Variants in TARBP1 observed in about 807,000 individuals in gnomAD.
TARBP1 encodes tRNA guanosine 2 -O-methyltransferase TARBP1, also known as tRNA (guanosine(18)-2'-O)-methyltransferase TARBP1.
In TARBP1, 144 loss-of-function variants were observed where a neutral mutation model predicts 178.6. The observed-to-expected ratio is 0.81, with a 90% confidence interval of 0.70 to 0.93. TARBP1 has a LOEUF of 0.93. TARBP1 is among the 40% of genes least tolerant of loss of function. The pLI, the probability that TARBP1 is intolerant of heterozygous loss-of-function variation, is 0.00. For missense variants in TARBP1, 2,067 were observed against 2,011.7 expected (o/e 1.03, Z -0.53); for synonymous variants, 787 against 781.0 (o/e 1.01, Z -0.13).
chr1:234,454,204 C>A (rs1390283020), intron 9 of TARBP1, among the ~76,000 whole-genome samples: 1 of 152,170 alleles, frequency 6.6e-6, no homozygotes, highest in Non-Finnish European at 1.5e-5. Flanking sequence ...TAAATTCCAG[C>A]TGGAATAGAG....
chr1:234,419,624 G>A (rs1662862332), intron 21 of TARBP1, among the ~76,000 whole-genome samples: 1 of 151,852 alleles, frequency 6.6e-6, no homozygotes, highest in Non-Finnish European at 1.5e-5. Context: ...CTTCTCTCTA[G>A]GAGACCCTCT....
At chr1:234,464,832 G>A (rs1315401306) in intron 5 of TARBP1, among the ~76,000 whole-genome samples, 3 of 152,124 alleles carry the variant, frequency 2.0e-5, no homozygotes, top group African/African-American at 7.2e-5. Context: ...TTTGAAGACA[G>A]AATTCAAGAG....
At chr1:234,412,843 T>C (rs1484346296) in intron 22 of TARBP1, among the ~76,000 whole-genome samples, 1 of 152,082 alleles carries the variant, frequency 6.6e-6, no homozygotes, top group Non-Finnish European at 1.5e-5. Flanking sequence ...TGACCCCCGG[T>C]CAACCAACCC....
At chr1:234,433,182 G>A (rs1263780226) in intron 14 of TARBP1, among the ~76,000 whole-genome samples, 1 of 152,166 alleles carries the variant, frequency 6.6e-6, no homozygotes, top group African/African-American at 2.4e-5. Flanking sequence ...AGGTTGCAGT[G>A]AGCCAAGATG....
At chr1:234,396,736 AG>A (rs1362146364) in intron 26 of TARBP1, among the ~76,000 whole-genome samples, 1 of 152,122 alleles carries the variant, frequency 6.6e-6, no homozygotes, top group East Asian at 1.9e-4. Context: ...ATTTAAACTA[AG>A]GGTGGTTCCA....
At position 234,472,713 on chromosome 1, in the gene TARBP1, C is replaced by T; in HGVS notation, c.1029+1G>A. On this transcript the variant is annotated splice_donor_variant, in intron 2 of 29. Transcript: ENST00000040877. LOFTEE classifies it high-confidence loss of function. ...ATTTGCTAAAATAGAAAAACACTTA[C>T]CTGATTTCCTTCTAAAGTCTCCATA... 1 of 1,567,738 alleles carries T rather than the reference C, an allele frequency of 6.4e-7. No individual in the cohort carries two copies. Among genetic ancestry groups the T allele is most frequent in the African/African-American group, 1.4e-5 (1 of 72,164 alleles).
intron 13 of TARBP1, 37 bp downstream of exon 13, chr1:234,437,234 TGAAA>T (rs755380828): frequency 9.4e-7 from 1 of 1,061,258 alleles, no homozygotes; most frequent in Admixed American, 2.4e-5. Flanking sequence ...GTGAAAAGAA[TGAAA>T]GAAATGAAAA....
At chr1:234,405,251 A>G (rs1474720204) in intron 24 of TARBP1, 2 of 152,194 alleles carry the variant, frequency 1.3e-5, no homozygotes, top group Non-Finnish European at 2.9e-5. Context: ...GCAATAATCT[A>G]TGATAATAAT....
chr1:234,473,610 G>C (rs1353390046), intron 1 of TARBP1, among the ~76,000 whole-genome samples: 1 of 152,180 alleles, frequency 6.6e-6, no homozygotes, highest in Non-Finnish European at 1.5e-5. Context: ...TGCAGAATCT[G>C]GCCAGCCCAG....
intron 26 of TARBP1, among the ~76,000 whole-genome samples, chr1:234,397,140 G>A (rs1044848464): frequency 4.0e-5 from 5 of 125,152 alleles, no homozygotes; most frequent in Non-Finnish European, 6.5e-5. Flanking sequence ...TCATTAAGAC[G>A]GTCATTTTTA....
At position 234,451,622 on chromosome 1, in the gene TARBP1, G is replaced by A. The variant is rs1446654777; in HGVS notation, c.1723-1056C>T. 9.1e-5 allele frequency among the ~76,000 whole-genome samples: 7 copies of A among 77,316 alleles called. 3 individuals carry two copies. The highest frequency in any genetic ancestry group is 3.9e-4 in the African/African-American group (5 of 12,744). The allele number at this position is 77,316 out of a possible 152,430, so 50.7% of individuals were successfully genotyped here. ...AAATTAGCCGGGCGTAGTGGCGGGC[G>A]CCTGTAGTCCCAGCTACTTGGGAGG... On this transcript the variant is annotated intron_variant, in intron 9 of 29. Coordinates refer to ENST00000040877, the MANE Select transcript of TARBP1 (RefSeq NM_005646.4).
rs562930482 is a variant in TARBP1 at position 234,391,578 on chromosome 1, C to A, written c.4865G>T (p.Ter1622LeuextTer15). Residue 1622 changes from the stop codon to leucine, a stop_lost, in exon 30 of 30, where the codon TGA (stop) becomes TTA (leucine). Transcript: ENST00000040877. ...CAGCAGTTCACTAAGGAAGGCACAT[C>A]ATGGCTTGGTATCTCCGTGCGAGAG... ...QLLSHGDTKP[*>L] 2.7e-5 allele frequency: 43 copies of A among 1,604,998 alleles called. No homozygotes were observed. Among genetic ancestry groups the A allele is most frequent in the Middle Eastern group, 3.6e-4 (2 of 5,626 alleles).
At position 234,401,173 on chromosome 1, in the gene TARBP1, C is replaced by A; in HGVS notation, c.4071+8G>T. On this transcript the variant is annotated splice_region_variant and intron_variant, in intron 25 of 29. Transcript: ENST00000040877. ...ATAGAGAATTTACAAATGATATTCT[C>A]TACTCACCTCTAGACAATAATCCTT... 1 of 1,606,412 alleles carries A rather than the reference C, an allele frequency of 6.2e-7. No homozygotes were observed. Among genetic ancestry groups the A allele is most frequent in the South Asian group, 1.1e-5 (1 of 90,578 alleles).
intron 25 of TARBP1, 22 bp from the exon 26 acceptor site, chr1:234,398,575 C>A (rs1660379262): frequency 7.3e-6 from 11 of 1,511,762 alleles, no homozygotes; most frequent in Non-Finnish European, 9.8e-6. Flanking sequence ...ATTATAAAAT[C>A]TAAATTTCTT....
chr1:234,441,940 A>G (rs888966542), intron 12 of TARBP1, among the ~76,000 whole-genome samples: 1 of 152,092 alleles, frequency 6.6e-6, no homozygotes, highest in Non-Finnish European at 1.5e-5. Flanking sequence ...TCATCTACCC[A>G]TCTACTTTGG....
chr1:234,461,114 G>C (rs1215290478), intron 6 of TARBP1, among the ~76,000 whole-genome samples: 1 of 152,252 alleles, frequency 6.6e-6, no homozygotes, highest in Non-Finnish European at 1.5e-5. Context: ...TTAGACAGTG[G>C]TAACAGCTGT....
At chr1:234,472,249 A>C (rs896126493) in intron 2 of TARBP1, among the ~76,000 whole-genome samples, 4 of 146,394 alleles carry the variant, frequency 2.7e-5, no homozygotes, top group African/African-American at 1.0e-4. Context: ...GAATCACTTG[A>C]ACCCAGGAGG....
At chr1:234,456,660 T>C (rs1667316959) in intron 9 of TARBP1, among the ~76,000 whole-genome samples, 1 of 152,210 alleles carries the variant, frequency 6.6e-6, no homozygotes, top group African/African-American at 2.4e-5. Flanking sequence ...AACAGTTTAA[T>C]CTATATTTAG....
At chr1:234,424,063 T>C (rs1663426103) in intron 20 of TARBP1, among the ~76,000 whole-genome samples, 1 of 152,174 alleles carries the variant, frequency 6.6e-6, no homozygotes, top group South Asian at 2.1e-4. Flanking sequence ...GAGGGAATTG[T>C]TGCATAAAAA....
Sources: gnomAD v4.1 joint callset for allele counts (sites outside exome capture counted in the v4.1 genomes callset) on GRCh38, gnomAD v4.1.1 for gene constraint, MANE v1.5 for transcripts, NCBI Gene and HGNC (gene_info 2026-07-23, HGNC 2026-07-21) for gene names.